PPP2R2C: variants seen among roughly 807,000 people sequenced by gnomAD.
PPP2R2C encodes the protein protein phosphatase 2, regulatory subunit B, gamma.
A neutral mutation model predicts 45.3 loss-of-function variants in PPP2R2C; 10 were observed. The observed-to-expected ratio is 0.22, with a 90% CI of 0.14 to 0.37. The LOEUF (loss-of-function observed/expected upper bound fraction) is 0.37, where lower values mean the gene tolerates loss of function less well. Ranked by LOEUF, PPP2R2C falls within the 10% of genes least tolerant of loss-of-function variation. The pLI is 1.00. For missense variants in PPP2R2C, 308 were observed against 619.7 expected (o/e 0.50, Z 5.34); for synonymous variants, 257 against 245.4 (o/e 1.05, Z -0.44).
At chr4:6,346,830 G>A (rs568143751) in intron 6 of PPP2R2C, among the ~76,000 whole-genome samples, 47 of 152,302 alleles carry the variant, frequency 3.1e-4, no homozygotes, top group Middle Eastern at 3.4e-3. Context: ...CTCTGCCGCC[G>A]GCACCCAGGC....
intron 2 of PPP2R2C, among the ~76,000 whole-genome samples, chr4:6,522,410 C>G (rs896797907): frequency 1.3e-5 from 2 of 152,238 alleles, no homozygotes; most frequent in African/African-American, 4.8e-5. Context: ...TGTGCCCCCC[C>G]AGACCCCACA....
chr4:6,337,644 G>A (rs1733083758), intron 6 of PPP2R2C, among the ~76,000 whole-genome samples: 1 of 152,194 alleles, frequency 6.6e-6, no homozygotes, highest in Non-Finnish European at 1.5e-5. Context: ...GATTCAGCCA[G>A]AATCACAGGG....
At chr4:6,393,494 C>G (rs1042195836) in intron 1 of PPP2R2C, among the ~76,000 whole-genome samples, 1 of 152,230 alleles carries the variant, frequency 6.6e-6, no homozygotes, top group African/African-American at 2.4e-5. Flanking sequence ...TGGTCCCTTT[C>G]TCTTCCAGCA....
At position 6,381,393 on chromosome 4, in the gene PPP2R2C, A is replaced by C. The variant is rs1216447017; in HGVS notation, c.71-299T>G. ...AGTAACTGGACACTCTATGGGACTC[A>C]CGGTGGTATCTGAAGCCACCTGGAT... On this transcript the variant is annotated intron_variant, in intron 1 of 8. Transcript: ENST00000382599. 9 of 1,449,642 alleles carry C rather than the reference A, an allele frequency of 6.2e-6. No homozygotes were observed. In the South Asian group the frequency reaches 1.1e-4, roughly 18 times the overall value. 89.8% of individuals were successfully genotyped at this position (1,449,642 alleles called of 1,614,324 possible). A position where few individuals can be genotyped will look rare whatever the true frequency, so the allele number is the denominator to read the frequency against.
At chr4:6,449,922 T>A (rs1489494277) in intron 1 of PPP2R2C, among the ~76,000 whole-genome samples, 5 of 152,156 alleles carry the variant, frequency 3.3e-5, no homozygotes, top group African/African-American at 1.2e-4. Flanking sequence ...CCCACCCCAA[T>A]CTGCTGGCAG....
At chr4:6,396,007 G>A (rs530584875) in intron 1 of PPP2R2C, among the ~76,000 whole-genome samples, 19 of 152,320 alleles carry the variant, frequency 1.2e-4, no homozygotes, top group Non-Finnish European at 1.3e-4. Flanking sequence ...CTGGTTACAC[G>A]CCGGCCACCC....
At chr4:6,392,735 G>T (rs1395452830) in intron 1 of PPP2R2C, among the ~76,000 whole-genome samples, 2 of 152,180 alleles carry the variant, frequency 1.3e-5, no homozygotes. Context: ...TGCATGAGCT[G>T]GGAAGCCACG....
chr4:6,389,050 C>A (rs1345519044), intron 1 of PPP2R2C, among the ~76,000 whole-genome samples: 1 of 152,154 alleles, frequency 6.6e-6, no homozygotes, highest in Non-Finnish European at 1.5e-5. Context: ...CAGCTTTCAT[C>A]AAAGCCGTGG....
chr4:6,327,304 A>G (rs1227816062), intron 8 of PPP2R2C, among the ~76,000 whole-genome samples: 9 of 152,140 alleles, frequency 5.9e-5, no homozygotes, highest in Non-Finnish European at 1.0e-4. Flanking sequence ...GGGGACCACT[A>G]GGACAGGGCG....
At chr4:6,556,097 G>A (rs758882079) in intron 1 of PPP2R2C, among the ~76,000 whole-genome samples, 1 of 152,178 alleles carries the variant, frequency 6.6e-6, no homozygotes, top group East Asian at 1.9e-4. Flanking sequence ...CCTCTGGGGA[G>A]CATCCGCATG....
rs544490750 is a variant in PPP2R2C, at chr4:6,534,369, AAC to A, written c.49+900_49+901del. The stretch of plus-strand genomic sequence containing the variant: ...AATGCCACACATCAATACGTACACT[AAC>A]ACACACCAACATACACACACACCAA... On this transcript the variant is annotated intron_variant, in intron 2 of 9. Transcript: ENST00000506140. Among the ~76,000 whole-genome samples the A allele has an allele frequency of 2.7e-3, 390 of 146,804 alleles. 1 individual carries two copies. Among genetic ancestry groups the A allele is most frequent in the Middle Eastern group, 0.011 (3 of 262 alleles).
chr4:6,500,713 C>G (rs1453747052), intron 2 of PPP2R2C, among the ~76,000 whole-genome samples: 1 of 152,220 alleles, frequency 6.6e-6, no homozygotes, highest in East Asian at 1.9e-4. Flanking sequence ...GCCCTGGACC[C>G]CAAATGACAA....
At chr4:6,414,109 T>TGTGTGTGTGTGTGTAC (rs1174066901) in intron 1 of PPP2R2C, 3 of 1,315,068 alleles carry the variant, frequency 2.3e-6, no homozygotes, top group Non-Finnish European at 3.0e-6. Context: ...TGTGTGTGTG[T>TGTGTGTGTGTGTGTAC]GTGTGTGTGT....
chr4:6,351,312 C>T (rs1203270171), intron 5 of PPP2R2C: 4 of 916,888 alleles, frequency 4.4e-6, no homozygotes, highest in Non-Finnish European at 5.2e-6. Flanking sequence ...GACTCCATCT[C>T]AAAAATAAAT....
intron 2 of PPP2R2C, among the ~76,000 whole-genome samples, chr4:6,494,604 C>T (rs1722813579): frequency 6.6e-6 from 1 of 152,218 alleles, no homozygotes; most frequent in East Asian, 1.9e-4. Context: ...CAGACACTCA[C>T]AGCCCAGGTG....
chr4:6,518,191 A>T (rs559006398), intron 2 of PPP2R2C, among the ~76,000 whole-genome samples: 1 of 152,238 alleles, frequency 6.6e-6, no homozygotes, highest in Non-Finnish European at 1.5e-5. Flanking sequence ...GAATGTACAT[A>T]TTAGAAAAGA....
intron 6 of PPP2R2C, among the ~76,000 whole-genome samples, chr4:6,344,936 C>A (rs1711698487): frequency 6.6e-6 from 1 of 152,178 alleles, no homozygotes; most frequent in South Asian, 2.1e-4. Flanking sequence ...AATTTTCCTT[C>A]TCTCCCTCAA....
Position 6,461,628 on chromosome 4 carries a change from C to T in PPP2R2C, c.70+10532G>A, listed in dbSNP as rs16838885. 2.2e-3 allele frequency among the ~76,000 whole-genome samples: 342 copies of T among 152,322 alleles called. 2 individuals carry two copies. The highest frequency in any genetic ancestry group is 7.7e-3 in the African/African-American group (320 of 41,564). ...TCTGTGGAAGAGACTCCTGGGCCAA[C>T]TGGGATCATCCACAATGAACTGTTA... On this transcript the variant is annotated intron_variant, in intron 1 of 8. Coordinates refer to ENST00000382599, the MANE Select transcript of PPP2R2C (RefSeq NM_020416.4).
At chr4:6,492,383 G>A (rs1722723444) in intron 2 of PPP2R2C, among the ~76,000 whole-genome samples, 1 of 152,212 alleles carries the variant, frequency 6.6e-6, no homozygotes, top group African/African-American at 2.4e-5. Context: ...CCTGTCCAGG[G>A]TCGTGGTGCT....
Sources: gnomAD v4.1 joint callset for allele counts (sites outside exome capture counted in the v4.1 genomes callset) on GRCh38, gnomAD v4.1.1 for gene constraint, MANE v1.5 for transcripts, NCBI Gene and HGNC (gene_info 2026-07-23, HGNC 2026-07-21) for gene names.